HHIP: variants seen among roughly 807,000 people sequenced by gnomAD.
HHIP encodes hedgehog interacting protein, also known as hedgehog-interacting protein.
Under a neutral mutation model 74.0 loss-of-function variants are expected in HHIP, and 12 were observed. The observed-to-expected ratio is 0.16, with a 90% confidence interval of 0.10 to 0.26. HHIP has a LOEUF of 0.26. Among genes scored for constraint, HHIP ranks in the 10% least tolerant of loss-of-function variants. The pLI, the probability that HHIP is intolerant of heterozygous loss-of-function variation, is 1.00. For missense variants in HHIP, 788 were observed against 845.0 expected (o/e 0.93, Z 0.84); for synonymous variants, 309 against 311.6 (o/e 0.99, Z 0.09).
intron 4 of HHIP, among the ~76,000 whole-genome samples, chr4:144,706,212 G>A (rs186225615): frequency 3.9e-4 from 60 of 152,250 alleles, no homozygotes; most frequent in African/African-American, 8.2e-4. Flanking sequence ...CTAGTAACCC[G>A]GGAAAGAATT....
At chr4:144,653,155 G>A (rs1336077168) in intron 2 of HHIP, among the ~76,000 whole-genome samples, 1 of 152,116 alleles carries the variant, frequency 6.6e-6, no homozygotes, top group East Asian at 1.9e-4. Context: ...TCAAGGCAGT[G>A]TCTTCTTCTA....
Position 144,646,853 on chromosome 4 carries a change from G to C in HHIP, c.178G>C (p.Glu60Gln), listed in dbSNP as rs1728276638. ...AGACAGGAGGATGATGTCCCAGCTG[G>C]AGCTGCTGAGTGGGGGAGAGATGCT... is the stretch of plus-strand genomic sequence containing the variant. ...RRDRRMMSQLELLSGGEMLCG... is the reference protein window; with the variant it reads ...RRDRRMMSQLQLLSGGEMLCG... Residue 60 changes from glutamate to glutamine, a missense_variant, in exon 1 of 13, where the codon GAG (glutamate) becomes CAG (glutamine). Glu to Gln is a conservative substitution (Grantham distance 29, BLOSUM62 2). This residue lies in a region of HHIP where 373 missense variants were observed against 366.4 expected (regional missense o/e 1.02). Coordinates refer to ENST00000296575, the MANE Select transcript of HHIP (RefSeq NM_022475.3). 6.2e-7 allele frequency: 1 copy of C among 1,614,218 alleles called. No homozygotes were observed. The highest frequency in any genetic ancestry group is 1.7e-5 in the Admixed American group (1 of 60,020).
rs1731158864 is a variant in HHIP at position 144,737,792 on chromosome 4, A to G, written c.1938A>G (p.Gly646=). ...TAKCEPACRH[G]GVCVRPNKCL... is the part of the protein sequence containing the mutation. The stretch of plus-strand genomic sequence containing the variant: ...AATGTGAGCCAGCATGTCGTCATGG[A>G]GGTGTCTGTGTTAGACCGAACAAGT... Residue 646 remains glycine, a synonymous_variant, in exon 13 of 13, where the codon GGA becomes GGG. Coordinates refer to ENST00000296575, the MANE Select transcript of HHIP (RefSeq NM_022475.3). The G allele has an allele frequency of 1.2e-6, 2 of 1,609,458 alleles. No homozygotes were observed. Among genetic ancestry groups the G allele is most frequent in the Non-Finnish European group, 1.7e-6 (2 of 1,177,690 alleles).
chr4:144,701,880 T>C (rs1029651486), intron 4 of HHIP, among the ~76,000 whole-genome samples: 1 of 152,174 alleles, frequency 6.6e-6, no homozygotes, highest in Non-Finnish European at 1.5e-5. Flanking sequence ...AGGGCAAATT[T>C]AAAGCAAAAA....
intron 7 of HHIP, among the ~76,000 whole-genome samples, chr4:144,710,655 C>T (rs1730271000): frequency 1.3e-5 from 2 of 151,620 alleles, no homozygotes; most frequent in African/African-American, 4.8e-5. Context: ...ATAATTTTAC[C>T]CCCAGGGGAC....
chr4:144,699,670 GA>G (rs796471738), intron 4 of HHIP, among the ~76,000 whole-genome samples: 5 of 148,456 alleles, frequency 3.4e-5, no homozygotes, highest in East Asian at 2.0e-4. Context: ...CCTTACAAAT[GA>G]AAAAAAAATG....
chr4:144,728,764 G>A (rs1235795090), intron 11 of HHIP, among the ~76,000 whole-genome samples: 1 of 152,074 alleles, frequency 6.6e-6, no homozygotes, highest in East Asian at 1.9e-4. Flanking sequence ...GTCCCAATGA[G>A]ATCAATATTA....
intron 4 of HHIP, among the ~76,000 whole-genome samples, chr4:144,670,064 A>C (rs1478810300): frequency 6.6e-6 from 1 of 151,452 alleles, no homozygotes; most frequent in Non-Finnish European, 1.5e-5. Flanking sequence ...GAATCGCTTG[A>C]ACCCAGGAGG....
chr4:144,655,833 G>A (rs1324154599), intron 2 of HHIP, among the ~76,000 whole-genome samples: 3 of 151,920 alleles, frequency 2.0e-5, no homozygotes, highest in Non-Finnish European at 4.4e-5. Context: ...GAGAGAAAAG[G>A]GAGAACTCAG....
intron 11 of HHIP, among the ~76,000 whole-genome samples, chr4:144,728,503 T>C (rs1014660470): frequency 2.0e-5 from 3 of 152,192 alleles, no homozygotes; most frequent in Non-Finnish European, 4.4e-5. Context: ...ATATGATTTA[T>C]AAGGTATATA....
intron 2 of HHIP, among the ~76,000 whole-genome samples, chr4:144,655,297 A>G (rs1160262299): frequency 6.6e-6 from 1 of 152,174 alleles, no homozygotes; most frequent in African/African-American, 2.4e-5. Context: ...TAAAAATGCC[A>G]AAAACTCTCC....
At chr4:144,734,615 C>CT in intron 11 of HHIP, 126 bp from the exon 12 acceptor site, 1 of 600,856 alleles carries the variant, frequency 1.7e-6, no homozygotes, top group Non-Finnish European at 2.6e-6. Context: ...GACTGAGTCA[C>CT]TTAAAAAAAA....
At chr4:144,726,934 C>T (rs1431686887) in intron 11 of HHIP, among the ~76,000 whole-genome samples, 1 of 152,184 alleles carries the variant, frequency 6.6e-6, no homozygotes, top group Non-Finnish European at 1.5e-5. Flanking sequence ...GAAGCGACCT[C>T]CAGCTACTTC....
intron 11 of HHIP, among the ~76,000 whole-genome samples, chr4:144,721,198 T>C (rs1052455026): frequency 6.6e-6 from 1 of 152,154 alleles, no homozygotes; most frequent in Non-Finnish European, 1.5e-5. Flanking sequence ...CAGGAAACTA[T>C]GAAATTTTTA....
chr4:144,706,729 CT>C, intron 5 of HHIP, 47 bp downstream of exon 5: 1 of 1,526,074 alleles, frequency 6.6e-7, no homozygotes, highest in Non-Finnish European at 8.8e-7. Flanking sequence ...ATCTTATTTT[CT>C]CATCATCTTT....
chr4:144,736,022 T>A (rs973255393), intron 12 of HHIP, among the ~76,000 whole-genome samples: 6 of 152,176 alleles, frequency 3.9e-5, no homozygotes, highest in African/African-American at 1.4e-4. Flanking sequence ...TGTCTTTTTG[T>A]TGGTTGACCA....
Position 144,659,648 on chromosome 4 carries a change from A to C in HHIP, c.641A>C (p.His214Pro). 1 of 1,486,488 alleles carries C rather than the reference A, an allele frequency of 6.7e-7. No homozygotes were observed. The highest frequency in any genetic ancestry group is 8.9e-7 in the Non-Finnish European group (1 of 1,120,116). The allele number at this position is 1,486,488 out of a possible 1,614,324, so 92.1% of individuals were successfully genotyped here. A position where few individuals can be genotyped will look rare whatever the true frequency, so the allele number is the denominator to read the frequency against. Reference protein sequence around the residue: ...KVEEISRKHKHNCFCIQEVVS... With the variant: ...KVEEISRKHKPNCFCIQEVVS... ...TTTAATTTGTTTAGAAAGCACAAAC[A>C]CAACTGCTTCTGTATTCAGGAGGTT... Residue 214 changes from histidine to proline, a missense_variant, in exon 4 of 13, where the codon CAC becomes CCC. Coordinates refer to ENST00000296575, the MANE Select transcript of HHIP (RefSeq NM_022475.3).
Position 144,737,909 on chromosome 4 carries a change from C to T in HHIP, c.2055C>T (p.Ile685=). ...RVTRAGILDQ[I]IDMTSYLLDL... is the part of the protein sequence containing the mutation. Reference sequence around the variant, plus strand: ...CCAGGGCAGGTATTCTTGATCAGATCATTGACATGACATCTTACTTGCTGG... The same window carrying T: ...CCAGGGCAGGTATTCTTGATCAGATTATTGACATGACATCTTACTTGCTGG... The change falls in exon 13 of 13, where the codon ATC becomes ATT. Residue 685 remains isoleucine (I), a synonymous_variant. Coordinates refer to ENST00000296575, the MANE Select transcript of HHIP (RefSeq NM_022475.3). 6.2e-7 allele frequency: 1 copy of T among 1,612,876 alleles called. No individual in the cohort carries two copies. Among genetic ancestry groups the T allele is most frequent in the Non-Finnish European group, 8.5e-7 (1 of 1,179,318 alleles).
At chr4:144,654,447 A>G (rs1728507756) in intron 2 of HHIP, among the ~76,000 whole-genome samples, 1 of 152,180 alleles carries the variant, frequency 6.6e-6, no homozygotes, top group Non-Finnish European at 1.5e-5. Context: ...GAGCAGCAAC[A>G]GTGCTTTCCA....
Sources: allele counts gnomAD v4.1 joint callset (sites outside exome capture counted in the v4.1 genomes callset), GRCh38; gene constraint gnomAD v4.1.1; regional missense constraint gnomAD v4.1.1; transcripts MANE v1.5; gene names NCBI Gene and HGNC (gene_info 2026-07-23, HGNC 2026-07-21).